PDE7B: variants seen among roughly 807,000 people sequenced by gnomAD.
The protein encoded by PDE7B is 3',5'-cyclic-AMP phosphodiesterase 7B.
In PDE7B, 29 loss-of-function variants were observed where a neutral mutation model predicts 56.2. The ratio of observed to expected loss-of-function variants is 0.52; its 90% CI spans 0.38 to 0.70. The LOEUF is 0.70. Among genes scored for constraint, PDE7B ranks in the 30% least tolerant of loss-of-function variants. The pLI, the probability that PDE7B is intolerant of heterozygous loss-of-function variation, is 0.00. For synonymous variants in PDE7B, 197 were observed against 196.9 expected, an observed-to-expected ratio of 1.00 and a Z score of 0.00; for missense variants, 490 against 565.0, an observed-to-expected ratio of 0.87 and a Z score of 1.35.
intron 2 of PDE7B, among the ~76,000 whole-genome samples, chr6:136,078,939 G>T (rs558769103): frequency 6.6e-6 from 1 of 152,170 alleles, no homozygotes; most frequent in African/African-American, 2.4e-5. Context: ...TATCTTTCCA[G>T]ACAGCTCTGT....
In PDE7B at chr6:136,099,634, T is replaced by C. The variant is rs184680103; in HGVS notation, c.83-9097T>C. ...TTTTTGATGGGGTTGTTTTTTTTCTTGTAAATTTGTTTAAGTTCTTTGTAG... is the reference window on the plus strand; with the variant it reads ...TTTTTGATGGGGTTGTTTTTTTTCTCGTAAATTTGTTTAAGTTCTTTGTAG... On this transcript the variant is annotated intron_variant, in intron 2 of 12. Coordinates refer to ENST00000308191, the MANE Select transcript of PDE7B (RefSeq NM_018945.4). Among the ~76,000 whole-genome samples, 1,155 of 152,332 alleles carry C rather than the reference T, an allele frequency of 7.6e-3. 13 individuals are homozygous for C. Among genetic ancestry groups the C allele is most frequent in the African/African-American group, 0.026 (1,069 of 41,582 alleles).
chr6:135,965,570 G>A (rs1562454636), intron 2 of PDE7B, among the ~76,000 whole-genome samples: 1 of 152,130 alleles, frequency 6.6e-6, no homozygotes. Context: ...AAGGCAAAAG[G>A]CACATCTTAC....
At position 136,171,634 on chromosome 6, in the gene PDE7B, C is replaced by CT. The variant is rs111587468; in HGVS notation, c.712-2154dup. Among the ~76,000 whole-genome samples the CT allele has an allele frequency of 5.8e-3, 882 of 151,308 alleles. 9 individuals carry two copies. Among genetic ancestry groups the CT allele is most frequent in the African/African-American group, 0.019 (803 of 41,256 alleles). ...CATTACTACCTATTTCACTGCTTCA[C>CT]TTTTTTTTTATTATTATTATACTTT... On this transcript the variant is annotated intron_variant, in intron 8 of 12. Transcript: ENST00000308191.
chr6:136,053,994 A>G (rs1028927250), intron 2 of PDE7B, among the ~76,000 whole-genome samples: 7 of 152,160 alleles, frequency 4.6e-5, no homozygotes, highest in Admixed American at 2.6e-4. Context: ...ATTTTCTCCC[A>G]TTCTGTAGGT....
rs372063830 is a variant in PDE7B at position 136,167,354 on chromosome 6, G to T, written c.712-6443G>T. Reference sequence around the variant, plus strand: ...TCTCATCTTAAATTCTGTGTCATGGGGGGGAACAGTGGGAGGTAACTGAAT... The same window carrying T: ...TCTCATCTTAAATTCTGTGTCATGGTGGGGAACAGTGGGAGGTAACTGAAT... On this transcript the variant is annotated intron_variant, in intron 8 of 12. Coordinates refer to ENST00000308191, the MANE Select transcript of PDE7B (RefSeq NM_018945.4). Among the ~76,000 whole-genome samples the T allele has an allele frequency of 3.9e-4, 60 of 152,236 alleles. 1 individual carries two copies. Among genetic ancestry groups the T allele is most frequent in the African/African-American group, 1.3e-3 (56 of 41,546 alleles).
intron 2 of PDE7B, among the ~76,000 whole-genome samples, chr6:136,040,441 T>C (rs1427470973): frequency 2.0e-5 from 3 of 152,210 alleles, no homozygotes; most frequent in Non-Finnish European, 1.5e-5. Context: ...AAACTGTCTC[T>C]TACCTTCTTC....
chr6:136,054,132 T>C (rs893996418), intron 2 of PDE7B, among the ~76,000 whole-genome samples: 5 of 152,252 alleles, frequency 3.3e-5, no homozygotes, highest in African/African-American at 9.6e-5. Flanking sequence ...TTCTTGCCCA[T>C]GCTTATGTCC....
intron 2 of PDE7B, among the ~76,000 whole-genome samples, chr6:136,021,154 C>T (rs1433732351): frequency 6.6e-6 from 1 of 152,130 alleles, no homozygotes; most frequent in Admixed American, 6.5e-5. Flanking sequence ...ACTGGCTTTT[C>T]CCCTGTACTC....
At chr6:136,086,052 G>A (rs1161141914) in intron 2 of PDE7B, among the ~76,000 whole-genome samples, 1 of 152,122 alleles carries the variant, frequency 6.6e-6, no homozygotes, top group Non-Finnish European at 1.5e-5. Context: ...TTCTTGCATA[G>A]GTATTTTTAA....
At chr6:136,156,230 C>A (rs1221885555) in intron 8 of PDE7B, among the ~76,000 whole-genome samples, 1 of 149,764 alleles carries the variant, frequency 6.7e-6, no homozygotes, top group Admixed American at 6.8e-5. Flanking sequence ...TGCTTTCTCA[C>A]CCAGGCTGGA....
chr6:136,138,789 G>A (rs1310139722), intron 3 of PDE7B, among the ~76,000 whole-genome samples: 1 of 152,082 alleles, frequency 6.6e-6, no homozygotes, highest in African/African-American at 2.4e-5. Flanking sequence ...GCCCATCTGA[G>A]AGGGCAGGTT....
rs545644363 is a variant in PDE7B at position 136,131,662 on chromosome 6, A to G, written c.167-15689A>G. Among the ~76,000 whole-genome samples, 392 of 152,258 alleles carry G rather than the reference A, an allele frequency of 2.6e-3. 2 individuals carry two copies. The highest frequency in any genetic ancestry group is 8.9e-3 in the African/African-American group (369 of 41,554). On this transcript the variant is annotated intron_variant, in intron 3 of 12. Coordinates refer to ENST00000308191, the MANE Select transcript of PDE7B (RefSeq NM_018945.4). ...TCTGTGAATTTCTTTGTATAATAAC[A>G]TAATAATCAAATCACATTAAGTCAG...
At chr6:135,858,812 G>C (rs1207263537) in intron 1 of PDE7B, among the ~76,000 whole-genome samples, 5 of 152,078 alleles carry the variant, frequency 3.3e-5, no homozygotes, top group Non-Finnish European at 7.4e-5. Context: ...ACTAAATTTT[G>C]TTTTAGAATT....
chr6:136,108,804 C>T lies in PDE7B; in HGVS notation c.156C>T (p.Arg52=). The change falls in exon 3 of 13, where the codon CGC becomes CGT. Residue 52 remains arginine (R), a synonymous_variant. Coordinates refer to ENST00000308191, the MANE Select transcript of PDE7B (RefSeq NM_018945.4). ...RRGSYPFIDF[R]LLNSTTYSGE... Reference sequence around the variant, plus strand: ...GCTCCTACCCATTCATTGACTTCCGCCTACTTAACAGTGAGTAATCAAGTG... The same window carrying T: ...GCTCCTACCCATTCATTGACTTCCGTCTACTTAACAGTGAGTAATCAAGTG... 6.3e-7 allele frequency: 1 copy of T among 1,592,058 alleles called. No homozygotes were observed. The highest frequency in any genetic ancestry group is 8.6e-7 in the Non-Finnish European group (1 of 1,160,020).
At chr6:135,925,848 T>A (rs1310714951) in intron 1 of PDE7B, among the ~76,000 whole-genome samples, 1 of 152,184 alleles carries the variant, frequency 6.6e-6, no homozygotes, top group Admixed American at 6.5e-5. Context: ...ACAAACTACA[T>A]AATTTTTTTT....
At chr6:135,882,759 T>C (rs527275094) in intron 1 of PDE7B, among the ~76,000 whole-genome samples, 2 of 152,328 alleles carry the variant, frequency 1.3e-5, no homozygotes, top group African/African-American at 4.8e-5. Flanking sequence ...TTCTATTTTG[T>C]TAACTATATC....
intron 1 of PDE7B, among the ~76,000 whole-genome samples, chr6:135,941,932 T>C (rs1248361241): frequency 1.3e-5 from 2 of 152,164 alleles, no homozygotes; most frequent in East Asian, 3.8e-4. Flanking sequence ...TTATAGTAAC[T>C]ACTCAGGAAA....
At chr6:136,156,078 G>A (rs367817114) in intron 8 of PDE7B, 122 of 398,444 alleles carry the variant, frequency 3.1e-4, no homozygotes, top group African/African-American at 2.4e-3. Flanking sequence ...AAAGTGAGCC[G>A]CTGTTTTTCT....
At chr6:136,025,949 T>C (rs1159667420) in intron 2 of PDE7B, among the ~76,000 whole-genome samples, 1 of 152,244 alleles carries the variant, frequency 6.6e-6, no homozygotes, top group Non-Finnish European at 1.5e-5. Context: ...CACTGTGATA[T>C]TGTAAGCAGC....
Sources: gnomAD v4.1 joint callset for allele counts (sites outside exome capture counted in the v4.1 genomes callset) on GRCh38, gnomAD v4.1.1 for gene constraint, MANE v1.5 for transcripts, NCBI Gene and HGNC (gene_info 2026-07-23, HGNC 2026-07-21) for gene names.